The following TSPAN9 variants were observed in gnomAD, a reference collection of about 807,000 sequenced individuals.
TSPAN9 encodes the protein tetraspanin-9.
Under a neutral mutation model 31.0 loss-of-function variants are expected in TSPAN9, and 16 were observed. That is an observed-to-expected ratio of 0.52 (90% CI 0.35 to 0.78). The LOEUF (loss-of-function observed/expected upper bound fraction) is 0.78, where lower values mean the gene tolerates loss of function less well. Ranked by LOEUF, TSPAN9 falls within the 30% of genes least tolerant of loss-of-function variation. The pLI is 0.01. For missense variants in TSPAN9, 272 were observed against 312.5 expected (o/e 0.87, Z 0.98); for synonymous variants, 145 against 121.6 (o/e 1.19, Z -1.27).
chr12:3,281,123 G>T, intron 6 of TSPAN9, 75 bp from the exon 7 acceptor site: 1 of 1,541,382 alleles, frequency 6.5e-7, no homozygotes, highest in Middle Eastern at 1.7e-4. Flanking sequence ...GGGTTGGCCT[G>T]GGCAGGGGAA....
intron 2 of TSPAN9, among the ~76,000 whole-genome samples, chr12:3,186,577 T>TGG (rs57227106): frequency 6.7e-6 from 1 of 148,758 alleles, no homozygotes; most frequent in Non-Finnish European, 1.5e-5. Flanking sequence ...TGTGTGTGTG[T>TGG]ATACACACAA....
rs775128973 is a variant in TSPAN9 at position 3,278,528 on chromosome 12, C to T, written c.171C>T (p.Val57=). The T allele has an allele frequency of 1.2e-5, 20 of 1,614,228 alleles. No individual in the cohort carries two copies. The highest frequency in any genetic ancestry group is 1.6e-4 in the Middle Eastern group (1 of 6,062). Residue 57 remains valine, a synonymous_variant, in exon 4 of 9, where the codon GTC becomes GTT. Coordinates refer to ENST00000011898, the MANE Select transcript of TSPAN9 (RefSeq NM_006675.5). ...CTTCGTTGTCTGCAGCCAACCTGGT[C>T]ATTGCCATAGGCACCATTGTCATGG... ...SFPSLSAANL[V]IAIGTIVMVT... is the part of the protein sequence containing the mutation.
chr12:3,205,369 A>G (rs1187478840), intron 3 of TSPAN9, among the ~76,000 whole-genome samples: 2 of 152,198 alleles, frequency 1.3e-5, no homozygotes, highest in Non-Finnish European at 2.9e-5. Context: ...CAGAGTGCTG[A>G]TGGGGCCCTG....
intron 2 of TSPAN9, among the ~76,000 whole-genome samples, chr12:3,109,878 A>G (rs930918856): frequency 6.6e-6 from 1 of 152,064 alleles, no homozygotes; most frequent in Non-Finnish European, 1.5e-5. Flanking sequence ...TAGCAACACA[A>G]TCTTAGAGAC....
intron 2 of TSPAN9, among the ~76,000 whole-genome samples, chr12:3,119,835 G>A (rs2098324249): frequency 6.6e-6 from 1 of 152,220 alleles, no homozygotes; most frequent in Non-Finnish European, 1.5e-5. Context: ...CCCTAGCCCA[G>A]GTTGGGCTAG....
At chr12:3,174,804 G>GA (rs1307945941) in intron 2 of TSPAN9, among the ~76,000 whole-genome samples, 1 of 149,986 alleles carries the variant, frequency 6.7e-6, no homozygotes, top group African/African-American at 2.4e-5. Flanking sequence ...GGATGGTCTC[G>GA]ATCTCCTGAC....
At chr12:3,130,751 C>G (rs2098329456) in intron 2 of TSPAN9, among the ~76,000 whole-genome samples, 1 of 152,160 alleles carries the variant, frequency 6.6e-6, no homozygotes, top group Non-Finnish European at 1.5e-5. Context: ...GTGTCTGGCA[C>G]ACACGGCCGT....
chr12:3,150,774 C>T (rs1306984136), intron 2 of TSPAN9, among the ~76,000 whole-genome samples: 1 of 152,124 alleles, frequency 6.6e-6, no homozygotes, highest in Non-Finnish European at 1.5e-5. Context: ...AATGCTGCCC[C>T]TTCTTCACCC....
At chr12:3,236,562 C>T (rs935047018) in intron 3 of TSPAN9, among the ~76,000 whole-genome samples, 4 of 152,166 alleles carry the variant, frequency 2.6e-5, no homozygotes, top group Admixed American at 6.5e-5. Flanking sequence ...ATGTAAAGAA[C>T]GCCCGGCATG....
intron 3 of TSPAN9, among the ~76,000 whole-genome samples, chr12:3,241,082 C>T (rs1420611045): frequency 1.3e-5 from 2 of 152,156 alleles, no homozygotes; most frequent in Non-Finnish European, 2.9e-5. Context: ...GTTCCAAGAG[C>T]CTTGAAAACA....
intron 3 of TSPAN9, among the ~76,000 whole-genome samples, chr12:3,205,979 G>T (rs1029592171): frequency 2.0e-5 from 3 of 151,926 alleles, no homozygotes; most frequent in Non-Finnish European, 2.9e-5. Flanking sequence ...GCAAGCATTG[G>T]TGTCAATCAG....
chr12:3,133,681 T>C (rs906776619), intron 2 of TSPAN9, among the ~76,000 whole-genome samples: 2 of 152,160 alleles, frequency 1.3e-5, no homozygotes, highest in Non-Finnish European at 2.9e-5. Context: ...GTGGTTTTTT[T>C]CTCCCCAGGT....
intron 2 of TSPAN9, among the ~76,000 whole-genome samples, chr12:3,178,251 C>G (rs1320788138): frequency 1.3e-5 from 2 of 151,930 alleles, no homozygotes; most frequent in Non-Finnish European, 2.9e-5. Flanking sequence ...CTGTCTTCAG[C>G]TGTGGCCGGT....
rs546220979 is a variant in TSPAN9, at chr12:3,117,436, C to G, written c.-18+33717C>G. On this transcript the variant is annotated intron_variant, in intron 2 of 8. Coordinates refer to ENST00000011898, the MANE Select transcript of TSPAN9 (RefSeq NM_006675.5). ...GGAGAGGAAGTGGTGGGACTATTTG[C>G]CCGATTTTTGTATCCTAGGGCCTGT... Among the ~76,000 whole-genome samples, 13 of 152,170 alleles carry G rather than the reference C, an allele frequency of 8.5e-5. No individual in the cohort carries two copies. The East Asian group carries it at 2.1e-3, about 25-fold the overall frequency.
chr12:3,123,849 G>A (rs2153966448), intron 2 of TSPAN9, among the ~76,000 whole-genome samples: 1 of 152,260 alleles, frequency 6.6e-6, no homozygotes, highest in Admixed American at 6.5e-5. Flanking sequence ...ACATGAGTTA[G>A]GGAGGGATGA....
In TSPAN9 at chr12:3,276,742, C is replaced by T. The variant is rs142244620; in HGVS notation, c.64-1679C>T. 6.8e-3 allele frequency among the ~76,000 whole-genome samples: 1,035 copies of T among 152,314 alleles called. 9 individuals carry two copies. The highest frequency in any genetic ancestry group is 0.024 in the African/African-American group (1,002 of 41,562). ...GTGTCTCCTGTAAGAATCTACTCTTCGTGAAGGCAGGGTCTTTGCCAGTGA... is the reference window on the plus strand; with the variant it reads ...GTGTCTCCTGTAAGAATCTACTCTTTGTGAAGGCAGGGTCTTTGCCAGTGA... On this transcript the variant is annotated intron_variant, in intron 3 of 8. Coordinates refer to ENST00000011898, the MANE Select transcript of TSPAN9 (RefSeq NM_006675.5).
At chr12:3,195,835 C>T (rs1453896233) in intron 2 of TSPAN9, among the ~76,000 whole-genome samples, 1 of 152,182 alleles carries the variant, frequency 6.6e-6, no homozygotes, top group African/African-American at 2.4e-5. Context: ...CAGGCCTGTC[C>T]CCTCCCTGCC....
At chr12:3,157,716 C>T (rs888053551) in intron 2 of TSPAN9, among the ~76,000 whole-genome samples, 4 of 152,178 alleles carry the variant, frequency 2.6e-5, no homozygotes, top group African/African-American at 7.2e-5. Context: ...AACCACGGTC[C>T]CAGACCTTGT....
At chr12:3,266,583 G>T (rs1862541086) in intron 3 of TSPAN9, among the ~76,000 whole-genome samples, 1 of 152,334 alleles carries the variant, frequency 6.6e-6, no homozygotes, top group Admixed American at 6.5e-5. Context: ...CCATGCACAT[G>T]TTGCAAACAG....
Sources: gnomAD v4.1 joint callset for allele counts (sites outside exome capture counted in the v4.1 genomes callset) on GRCh38, gnomAD v4.1.1 for gene constraint, MANE v1.5 for transcripts, NCBI Gene and HGNC (gene_info 2026-07-23, HGNC 2026-07-21) for gene names.